The following BRAP variants were observed in gnomAD, a reference collection of about 807,000 sequenced individuals.
The protein encoded by BRAP is BRCA1 associated protein.
In BRAP, 42 loss-of-function variants were observed where a neutral mutation model predicts 73.4. The observed-to-expected ratio is 0.57, with a 90% confidence interval of 0.45 to 0.74. The LOEUF is 0.74. Among genes scored for constraint, BRAP ranks in the 30% least tolerant of loss-of-function variants. BRAP has a pLI of 0.00. For missense variants in BRAP, 593 were observed against 751.4 expected, an observed-to-expected ratio of 0.79 and a Z score of 2.46; for synonymous variants, 255 against 267.4, an observed-to-expected ratio of 0.95 and a Z score of 0.45.
At chr12:111,680,275 G>A (rs1055582719) in intron 3 of BRAP, among the ~76,000 whole-genome samples, 2 of 152,004 alleles carry the variant, frequency 1.3e-5, no homozygotes, top group African/African-American at 4.8e-5. Context: ...TAAACCATGA[G>A]GATGTAACTG....
intron 5 of BRAP, among the ~76,000 whole-genome samples, chr12:111,667,680 CAG>C (rs1344293509): frequency 1.3e-4 from 8 of 60,662 alleles, no homozygotes; most frequent in Non-Finnish European, 5.1e-5. Flanking sequence ...GCCTGGGAGA[CAG>C]AGTGAAACTC....
Position 111,681,758 on chromosome 12 carries a change from T to C in BRAP, c.322A>G (p.Lys108Glu). ...PTAQRSKDHSKECINAAPDSP... is the reference protein window; with the variant it reads ...PTAQRSKDHSEECINAAPDSP... ...TCTGGGGCAGCGTTTATGCATTCCT[T>C]ACTGTGATCTTTACTTCTTTGCGCA... The change falls in exon 3 of 12, where the codon AAG becomes GAG. Residue 108 changes from lysine to glutamate, a missense_variant. Physicochemically the swap from Lys to Glu is moderately conservative, Grantham distance 56 (BLOSUM62 1). Transcript: ENST00000419234. 1 of 1,614,112 alleles carries C rather than the reference T, an allele frequency of 6.2e-7. No individual in the cohort carries two copies. The highest frequency in any genetic ancestry group is 8.5e-7 in the Non-Finnish European group (1 of 1,180,014).
rs2135933015 is a variant in BRAP at position 111,683,281 on chromosome 12, T to C, written c.109A>G (p.Lys37Glu). The C allele has an allele frequency of 6.2e-7, 1 of 1,612,450 alleles. No homozygotes were observed. The highest frequency in any genetic ancestry group is 8.5e-7 in the Non-Finnish European group (1 of 1,179,634). The change falls in exon 2 of 12, where the codon AAA becomes GAA. Residue 37 changes from lysine to glutamate, a missense_variant. By Grantham distance (56) the Lys-to-Glu change is moderately conservative. Coordinates refer to ENST00000419234, the MANE Select transcript of BRAP (RefSeq NM_006768.5). Reference protein sequence around the residue: ...AAGEMSDEEIKKTTLASAVAC... With the variant: ...AAGEMSDEEIEKTTLASAVAC... Reference sequence around the variant, plus strand: ...ACAGCTGAGGCTAGTGTCGTCTTTTTTATCTCCTCATCAGACATTTCCCCG... The same window carrying C: ...ACAGCTGAGGCTAGTGTCGTCTTTTCTATCTCCTCATCAGACATTTCCCCG...
intron 1 of BRAP, 102 bp from the exon 2 acceptor site, chr12:111,683,409 G>A (rs1261162301): frequency 4.5e-6 from 6 of 1,339,880 alleles, no homozygotes; most frequent in Non-Finnish European, 5.1e-6. Flanking sequence ...CCTGCCTTCC[G>A]CCAAGATGAT....
intron 3 of BRAP, among the ~76,000 whole-genome samples, chr12:111,680,004 TCA>T (rs1191572340): frequency 2.0e-5 from 3 of 151,706 alleles, no homozygotes; most frequent in Non-Finnish European, 4.4e-5. Flanking sequence ...TTTTTTTTTT[TCA>T]GAGTCTTGCT....
chr12:111,655,676 G>A (rs756274587), intron 9 of BRAP, 21 bp from the exon 10 acceptor site: 1 of 1,563,962 alleles, frequency 6.4e-7, no homozygotes, highest in African/African-American at 1.4e-5. Flanking sequence ...AGAGAATAAA[G>A]ACCAAAATGT....
At position 111,676,931 on chromosome 12, in the gene BRAP, G is replaced by A. The variant is rs1250845667; in HGVS notation, c.633+2220C>T. Among the ~76,000 whole-genome samples the A allele has an allele frequency of 2.0e-5, 3 of 152,162 alleles. No individual in the cohort carries two copies. In the East Asian group the frequency reaches 5.8e-4, roughly 29 times the overall value. On this transcript the variant is annotated intron_variant, in intron 4 of 11. Coordinates refer to ENST00000419234, the MANE Select transcript of BRAP (RefSeq NM_006768.5). The stretch of plus-strand genomic sequence containing the variant: ...GATAGGGATTAGCCCCTAAGACCCA[G>A]AGTTAGCAATAAATAATACAACTCA...
intron 2 of BRAP, 133 bp downstream of exon 2, chr12:111,683,013 A>T: frequency 1.1e-6 from 1 of 945,442 alleles, no homozygotes. Context: ...TAACAGTGTC[A>T]TATAAAGCAC....
At chr12:111,672,595 C>T (rs1297778516) in intron 5 of BRAP, 66 bp downstream of exon 5, 1 of 1,411,782 alleles carries the variant, frequency 7.1e-7, no homozygotes, top group African/African-American at 1.4e-5. Flanking sequence ...TTCACAGATA[C>T]CTTAGCATTC....
In BRAP at chr12:111,685,736, G is replaced by A; in HGVS notation, c.57C>T (p.Pro19=). The change falls in exon 1 of 12, where the codon CCC becomes CCT. Residue 19 remains proline, a synonymous_variant. Coordinates refer to ENST00000419234, the MANE Select transcript of BRAP (RefSeq NM_006768.5). The part of the protein sequence containing the change: ...RLELAEHSPV[P]AGFGFSAAAG... ...CCGCGGCGCTGAAGCCGAAGCCGGCGGGGACAGGCGAGTGTTCCGCGAGCT... is the reference window on the plus strand; with the variant it reads ...CCGCGGCGCTGAAGCCGAAGCCGGCAGGGACAGGCGAGTGTTCCGCGAGCT... 1.9e-6 allele frequency: 3 copies of A among 1,609,664 alleles called. No individual in the cohort carries two copies. Among genetic ancestry groups the A allele is most frequent in the Non-Finnish European group, 2.5e-6 (3 of 1,178,828 alleles).
intron 5 of BRAP, among the ~76,000 whole-genome samples, chr12:111,667,319 T>A (rs972827697): frequency 6.6e-6 from 1 of 152,090 alleles, no homozygotes; most frequent in Non-Finnish European, 1.5e-5. Context: ...CCTCCAAATA[T>A]AATATTGTAG....
At chr12:111,682,870 C>G (rs1217671986) in intron 2 of BRAP, among the ~76,000 whole-genome samples, 1 of 152,006 alleles carries the variant, frequency 6.6e-6, no homozygotes, top group Non-Finnish European at 1.5e-5. Flanking sequence ...CGACATTGCA[C>G]CACTGCACTC....
At chr12:111,657,372 T>C (rs1886575295) in intron 9 of BRAP, among the ~76,000 whole-genome samples, 1 of 152,314 alleles carries the variant, frequency 6.6e-6, no homozygotes, top group South Asian at 2.1e-4. Context: ...AGAATGCATG[T>C]ACATACTTAA....
intron 5 of BRAP, among the ~76,000 whole-genome samples, chr12:111,666,624 A>T (rs1158376900): frequency 6.6e-6 from 1 of 152,170 alleles, no homozygotes; most frequent in South Asian, 2.1e-4. Flanking sequence ...AGCAAACAGT[A>T]CAGGAAGCCA....
At position 111,643,584 on chromosome 12, in the gene BRAP, C is replaced by G. The variant is rs1885980069; in HGVS notation, c.*615G>C. ...CGGGTTGTTTGTTTTTCCTGGCTGG[C>G]CCCAGAGCAAGAAGAGATGACTGCT... On this transcript the variant is annotated 3_prime_UTR_variant, in exon 12 of 12. Coordinates refer to ENST00000419234, the MANE Select transcript of BRAP (RefSeq NM_006768.5). The G allele has an allele frequency of 6.6e-6, 1 of 152,254 alleles. No homozygotes were observed. Among genetic ancestry groups the G allele is most frequent in the South Asian group, 2.1e-4 (1 of 4,822 alleles). 9.4% of individuals were successfully genotyped at this position (152,254 alleles called of 1,614,324 possible).
chr12:111,684,304 A>G (rs1887714259), intron 1 of BRAP, among the ~76,000 whole-genome samples: 1 of 152,194 alleles, frequency 6.6e-6, no homozygotes, highest in Admixed American at 6.5e-5. Flanking sequence ...TGCGGCTAAT[A>G]TCAATTTAGC....
At chr12:111,644,790 CTT>C (rs1210554583) in intron 11 of BRAP, among the ~76,000 whole-genome samples, 8 of 152,074 alleles carry the variant, frequency 5.3e-5, no homozygotes, top group Non-Finnish European at 1.2e-4. Flanking sequence ...GAGTTTCGCT[CTT>C]GTTGCCCAGG....
At position 111,660,626 on chromosome 12, in the gene BRAP, T is replaced by A; in HGVS notation, c.946A>T (p.Lys316Ter). Residue 316 changes from lysine to a stop codon, truncating the protein, a stop_gained, in exon 7 of 12, where the codon AAG (lysine) becomes TAG (stop). Transcript: ENST00000419234. LOFTEE classifies it high-confidence loss of function. The stretch of plus-strand genomic sequence containing the variant: ...TCCTGAACACCACACTCAAAACACT[T>A]ATTTTCTTCTACTGGCTCGGGCGTT... ...CQTPEPVEEN[K>*]CFECGVQENL... 1 of 1,607,094 alleles carries A rather than the reference T, an allele frequency of 6.2e-7. No homozygotes were observed. The highest frequency in any genetic ancestry group is 8.5e-7 in the Non-Finnish European group (1 of 1,176,470).
At chr12:111,669,682 T>C (rs1275397209) in intron 5 of BRAP, among the ~76,000 whole-genome samples, 3 of 152,110 alleles carry the variant, frequency 2.0e-5, no homozygotes, top group African/African-American at 7.2e-5. Flanking sequence ...AAACATAAAT[T>C]ACCTCTAATT....
Sources: gnomAD v4.1 joint callset for allele counts (sites outside exome capture counted in the v4.1 genomes callset) on GRCh38, gnomAD v4.1.1 for gene constraint, MANE v1.5 for transcripts, NCBI Gene and HGNC (gene_info 2026-07-23, HGNC 2026-07-21) for gene names.